UGT2A2: variants seen among roughly 807,000 people sequenced by gnomAD.
UGT2A2 encodes UDP-glucuronosyltransferase 2A2.
A neutral mutation model predicts 50.7 loss-of-function variants in UGT2A2; 60 were observed. The observed-to-expected ratio is 1.18, with a 90% confidence interval of 0.96 to 1.47. UGT2A2 has a LOEUF of 1.47. Ranked by LOEUF, UGT2A2 falls within the 40% of genes most tolerant of loss-of-function variation. The pLI is 0.00. For missense variants in UGT2A2, 762 were observed against 634.0 expected (o/e 1.20, Z -2.17); for synonymous variants, 242 against 214.6 (o/e 1.13, Z -1.11).
intron 1 of UGT2A2, among the ~76,000 whole-genome samples, chr4:69,605,891 A>C (rs1163534855): frequency 7.3e-6 from 1 of 137,010 alleles, no homozygotes; most frequent in African/African-American, 3.0e-5. Flanking sequence ...TGAATCTCTG[A>C]ATAGACCAAT....
At chr4:69,607,218 GAGATAAAGA>G (rs1275407944) in intron 1 of UGT2A2, among the ~76,000 whole-genome samples, 31 of 149,764 alleles carry the variant, frequency 2.1e-4, no homozygotes, top group African/African-American at 3.2e-4. Context: ...TACCAAAACA[GAGATAAAGA>G]CCAATGGAAC....
chr4:69,599,615 G>A, intron 1 of UGT2A2: 4 of 516,062 alleles, frequency 7.8e-6, no homozygotes, highest in South Asian at 5.6e-5. Context: ...GAGGAAGGGA[G>A]GAAGGCAGGC....
At chr4:69,630,257 G>T (rs939855817) in intron 1 of UGT2A2, among the ~76,000 whole-genome samples, 6 of 151,840 alleles carry the variant, frequency 4.0e-5, no homozygotes, top group Non-Finnish European at 8.8e-5. Context: ...TTTTTCTCCT[G>T]CAATTTTTGA....
intron 1 of UGT2A2, among the ~76,000 whole-genome samples, chr4:69,624,218 A>C (rs1352465435): frequency 6.6e-6 from 1 of 151,508 alleles, no homozygotes; most frequent in African/African-American, 2.4e-5. Context: ...TAACACCTTT[A>C]CTTATAAAAT....
chr4:69,632,883 G>T (rs1195272273), intron 1 of UGT2A2, among the ~76,000 whole-genome samples: 1 of 141,416 alleles, frequency 7.1e-6, no homozygotes. Context: ...GCAAGACTCG[G>T]TCAAAAAAAA....
intron 1 of UGT2A2, among the ~76,000 whole-genome samples, chr4:69,633,973 C>G (rs943477357): frequency 7.9e-5 from 12 of 152,062 alleles, no homozygotes; most frequent in African/African-American, 2.9e-4. Flanking sequence ...CGGCCGCGCG[C>G]GGTGGCTCAC....
At chr4:69,619,980 T>C (rs1016732499) in intron 1 of UGT2A2, among the ~76,000 whole-genome samples, 2 of 151,922 alleles carry the variant, frequency 1.3e-5, no homozygotes, top group African/African-American at 4.8e-5. Context: ...TGAAGAAACA[T>C]ACCTCAAAAT....
In UGT2A2 at chr4:69,606,794, C is replaced by A. The variant is rs1383511036; in HGVS notation, c.743-7400G>T. Reference sequence around the variant, plus strand: ...ACACCAATAACAGACAAACAGAGAGCCAAATCACGAGTGAGCTCCCATTCA... The same window carrying A: ...ACACCAATAACAGACAAACAGAGAGACAAATCACGAGTGAGCTCCCATTCA... On this transcript the variant is annotated intron_variant, in intron 1 of 5. Transcript: ENST00000604629. Among the ~76,000 whole-genome samples the A allele has an allele frequency of 1.2e-4, 17 of 136,254 alleles. 2 individuals carry two copies. Among genetic ancestry groups the A allele is most frequent in the Non-Finnish European group, 1.2e-4 (8 of 64,150 alleles). The allele number at this position is 136,254 out of a possible 152,430, so 89.4% of individuals were successfully genotyped here.
Position 69,639,561 on chromosome 4 carries a change from A to G in UGT2A2, c.80T>C (p.Val27Ala). Residue 27 changes from valine to alanine, a missense_variant, in exon 1 of 6, where the codon GTT becomes GCT. By Grantham distance (64) the Val-to-Ala change is moderately conservative. Coordinates refer to ENST00000604629, the MANE Select transcript of UGT2A2 (RefSeq NM_001105677.2). ...LVFNLTLTEV[V>A]LSGNVLIWPT... ...CCAAATTAACACATTCCCACTTAGA[A>G]CAACTTCAGTCAGAGTCAAATTAAA... The G allele has an allele frequency of 1.2e-6, 2 of 1,612,594 alleles. No homozygotes were observed. Among genetic ancestry groups the G allele is most frequent in the East Asian group, 4.5e-5 (2 of 44,840 alleles).
intron 5 of UGT2A2, among the ~76,000 whole-genome samples, chr4:69,592,186 G>T (rs1292305895): frequency 6.6e-6 from 1 of 152,038 alleles, no homozygotes; most frequent in Non-Finnish European, 1.5e-5. Context: ...AATTCCATCC[G>T]AGTTTACCTT....
intron 1 of UGT2A2, among the ~76,000 whole-genome samples, chr4:69,602,468 T>TATC (rs1176025690): frequency 1.6e-5 from 1 of 61,820 alleles, no homozygotes; most frequent in African/African-American, 7.3e-5. Context: ...GGAGTTTATC[T>TATC]ATCTATCTAT....
intron 1 of UGT2A2, among the ~76,000 whole-genome samples, chr4:69,632,678 A>G (rs1721453266): frequency 6.6e-6 from 1 of 152,022 alleles, no homozygotes; most frequent in African/African-American, 2.4e-5. Flanking sequence ...TCACAAAGTC[A>G]AGAGTTTGAG....
chr4:69,632,781 T>C (rs925870193), intron 1 of UGT2A2, among the ~76,000 whole-genome samples: 3 of 150,828 alleles, frequency 2.0e-5, no homozygotes, highest in Admixed American at 6.6e-5. Context: ...CCAGCTACTC[T>C]GGACGCAGAG....
chr4:69,639,350 C>G lies in UGT2A2; in HGVS notation c.291G>C (p.Glu97Asp). 3 of 1,613,688 alleles carry G rather than the reference C, an allele frequency of 1.9e-6. No individual in the cohort carries two copies. The highest frequency in any genetic ancestry group is 2.5e-6 in the Non-Finnish European group (3 of 1,179,748). The change falls in exon 1 of 6, where the codon GAG becomes GAC. Residue 97 changes from glutamate (E) to aspartate (D), a missense_variant. Physicochemically the swap from Glu to Asp is conservative, Grantham distance 45. Coordinates refer to ENST00000604629, the MANE Select transcript of UGT2A2 (RefSeq NM_001105677.2). Reference sequence around the variant, plus strand: ...GGTCAATCCACAGCATTATCATATGCTCAATTAAGGAATCTATATTGCTCT... The same window carrying G: ...GGTCAATCCACAGCATTATCATATGGTCAATTAAGGAATCTATATTGCTCT... ...YKKSNIDSLI[E>D]HMIMLWIDHR...
intron 5 of UGT2A2, among the ~76,000 whole-genome samples, chr4:69,591,634 A>G (rs1718603575): frequency 6.6e-6 from 1 of 152,012 alleles, no homozygotes; most frequent in Non-Finnish European, 1.5e-5. Flanking sequence ...CCTGAAACAG[A>G]CTCTCAGGTT....
chr4:69,622,252 T>C (rs1289988999), intron 1 of UGT2A2, among the ~76,000 whole-genome samples: 1 of 151,566 alleles, frequency 6.6e-6, no homozygotes, highest in Non-Finnish European at 1.5e-5. Flanking sequence ...CCAAAACATA[T>C]GTCAAAATAC....
At chr4:69,607,679 G>A (rs1157931625) in intron 1 of UGT2A2, among the ~76,000 whole-genome samples, 1 of 152,074 alleles carries the variant, frequency 6.6e-6, no homozygotes, top group African/African-American at 2.4e-5. Flanking sequence ...ATCTGACAAA[G>A]GGCTAATATC....
chr4:69,603,848 G>C (rs1048076747), intron 1 of UGT2A2, among the ~76,000 whole-genome samples: 3 of 135,748 alleles, frequency 2.2e-5, no homozygotes, highest in Non-Finnish European at 3.1e-5. Context: ...GAAATGAAGC[G>C]AGAAGAGAAG....
intron 1 of UGT2A2, among the ~76,000 whole-genome samples, chr4:69,620,966 T>G (rs569285473): frequency 3.4e-4 from 52 of 152,168 alleles, no homozygotes; most frequent in African/African-American, 1.2e-3. Flanking sequence ...ATACCAAAAC[T>G]GGACCCCTTT....
Sources: allele counts gnomAD v4.1 joint callset (sites outside exome capture counted in the v4.1 genomes callset), GRCh38; gene constraint gnomAD v4.1.1; transcripts MANE v1.5; gene names NCBI Gene and HGNC (gene_info 2026-07-23, HGNC 2026-07-21).